Variants in TACC3 observed in about 807,000 individuals in gnomAD.
The protein encoded by TACC3 is transforming acidic coiled-coil-containing protein 3.
A neutral mutation model predicts 86.0 loss-of-function variants in TACC3; 52 were observed. The observed-to-expected ratio is 0.60, with a 90% CI of 0.48 to 0.76. The LOEUF is 0.76. Among genes scored for constraint, TACC3 ranks in the 30% least tolerant of loss-of-function variants. The probability of loss-of-function intolerance (pLI) is 0.00; values close to 1 mark genes in which losing one functional copy is unlikely to be tolerated. For missense variants in TACC3, 1,120 were observed against 1,070.4 expected, an observed-to-expected ratio of 1.05 and a Z score of -0.65; for synonymous variants, 512 against 430.0, an observed-to-expected ratio of 1.19 and a Z score of -2.36.
chr4:1,722,394 G>C (rs905915155), intron 1 of TACC3, among the ~76,000 whole-genome samples: 1 of 152,184 alleles, frequency 6.6e-6, no homozygotes, highest in Non-Finnish European at 1.5e-5. Context: ...AGCGTCGTCC[G>C]TAAGTCCCAT....
chr4:1,722,638 C>G (rs879836992), intron 1 of TACC3, among the ~76,000 whole-genome samples: 7 of 152,232 alleles, frequency 4.6e-5, no homozygotes, highest in Admixed American at 6.5e-5. Flanking sequence ...CCTCCACCAC[C>G]AGGTGCCTGT....
At chr4:1,721,832 A>G (rs1046230156) in intron 1 of TACC3, 189 bp downstream of exon 1, 7 of 152,086 alleles carry the variant, frequency 4.6e-5, no homozygotes, top group Admixed American at 2.6e-4. Context: ...CCGGCCCTAG[A>G]CCGACCGCCG....
At chr4:1,731,563 A>G (rs909142959) in intron 6 of TACC3, among the ~76,000 whole-genome samples, 2 of 152,246 alleles carry the variant, frequency 1.3e-5, no homozygotes, top group African/African-American at 4.8e-5. Flanking sequence ...GAGGTGAACA[A>G]TGCAGTGCGC....
intron 13 of TACC3, among the ~76,000 whole-genome samples, chr4:1,742,332 T>C (rs1235283153): frequency 6.6e-6 from 1 of 152,182 alleles, no homozygotes; most frequent in African/African-American, 2.4e-5. Context: ...TTGCTGACCT[T>C]CCCTCAGGTT....
At chr4:1,737,355 G>A (rs1718326158) in intron 9 of TACC3, 27 bp downstream of exon 9, 4 of 1,596,124 alleles carry the variant, frequency 2.5e-6, no homozygotes, top group South Asian at 2.2e-5. Context: ...CTCTTGAACT[G>A]TCTTGTGTGT....
chr4:1,734,535 T>G (rs1718160903), intron 6 of TACC3, among the ~76,000 whole-genome samples: 1 of 152,168 alleles, frequency 6.6e-6, no homozygotes, highest in Admixed American at 6.5e-5. Context: ...GGAGGATCAC[T>G]TGAAGTCAGG....
chr4:1,721,882 T>G (rs1163947464), intron 1 of TACC3: 1 of 152,174 alleles, frequency 6.6e-6, no homozygotes, highest in Admixed American at 6.5e-5. Context: ...CGGCTAGAGC[T>G]GGGCCAAGAC....
chr4:1,728,527 A>G lies in TACC3; in HGVS notation c.1125A>G (p.Gln375=), dbSNP rs798758. The G allele has an allele frequency of 0.022, 34,985 of 1,614,002 alleles. 630 individuals are homozygous for G. Among genetic ancestry groups the G allele is most frequent in the South Asian group, 0.069 (6,289 of 91,080 alleles). The change falls in exon 4 of 16, where the codon CAA becomes CAG. Residue 375 remains glutamine (Q), a synonymous_variant. Transcript: ENST00000313288. ...TGAGGAAAGCAGCAGTGAGGCAGCAAAAGGCCCCGCAGGAGGTGGAGGAGG... is the reference window on the plus strand; with the variant it reads ...TGAGGAAAGCAGCAGTGAGGCAGCAGAAGGCCCCGCAGGAGGTGGAGGAGG... ...PPLRKAAVRQ[Q]KAPQEVEEDD...
At chr4:1,729,144 C>T (rs896037115) in intron 4 of TACC3, among the ~76,000 whole-genome samples, 1 of 152,168 alleles carries the variant, frequency 6.6e-6, no homozygotes, top group Non-Finnish European at 1.5e-5. Context: ...CAGGCAAAGC[C>T]TGTTACTGCC....
Position 1,735,828 on chromosome 4 carries a change from C to G in TACC3, c.1742C>G (p.Thr581Ser). The change falls in exon 8 of 16, where the codon ACC (threonine) becomes AGC (serine). Residue 581 changes from threonine (T) to serine (S), a missense_variant. Physicochemically the swap from Thr to Ser is moderately conservative, Grantham distance 58. Coordinates refer to ENST00000313288, the MANE Select transcript of TACC3 (RefSeq NM_006342.3). The surrounding 1 kb of genome is among the most constrained non-coding windows in gnomAD (Gnocchi z 4.2). ...PGRPVPVATE[T>S]SSMHGANETP... Reference sequence around the variant, plus strand: ...AGACCAGTGCCCGTGGCCACCGAGACCAGCAGGTATGTGCGCCGGCCCTCC... The same window carrying G: ...AGACCAGTGCCCGTGGCCACCGAGAGCAGCAGGTATGTGCGCCGGCCCTCC... The G allele has an allele frequency of 6.3e-7, 1 of 1,592,100 alleles. No homozygotes were observed.
chr4:1,723,894 T>A, intron 3 of TACC3, 24 bp downstream of exon 3: 1 of 1,611,384 alleles, frequency 6.2e-7, no homozygotes, highest in Non-Finnish European at 8.5e-7. Flanking sequence ...CTGCTGGACA[T>A]GCTGGAGCTT....
Position 1,735,135 on chromosome 4 carries a change from G to T in TACC3, c.1592-138G>T. On this transcript the variant is annotated intron_variant, in intron 6 of 15. Coordinates refer to ENST00000313288, the MANE Select transcript of TACC3 (RefSeq NM_006342.3). This position sits in a 1 kb window ranked among gnomAD's most constrained non-coding sequence, Gnocchi z 4.2. ...CTGCCGCAGACAGCAGTCAGGCCCC[G>T]AACATCCACACCTCCAAGGGAGGAA... The T allele has an allele frequency of 8.1e-7, 1 of 1,236,780 alleles. No homozygotes were observed. The allele number at this position is 1,236,780 out of a possible 1,614,324, so 76.6% of individuals were successfully genotyped here.
chr4:1,731,168 C>G lies in TACC3; in HGVS notation c.1462-4C>G, dbSNP rs1717989772. The G allele has an allele frequency of 1.2e-6, 2 of 1,613,240 alleles. No homozygotes were observed. The highest frequency in any genetic ancestry group is 1.7e-5 in the Admixed American group (1 of 60,024). ...GCACAGGGTGACTCTGCCCTTTCCT[C>G]CAGGAGAGAGCCTTGAACTCTGCCA... On this transcript the variant is annotated splice_polypyrimidine_tract_variant and splice_region_variant and intron_variant, in intron 5 of 15. Coordinates refer to ENST00000313288, the MANE Select transcript of TACC3 (RefSeq NM_006342.3).
intron 13 of TACC3, among the ~76,000 whole-genome samples, chr4:1,743,429 T>A (rs1175120314): frequency 1.3e-5 from 2 of 152,030 alleles, no homozygotes; most frequent in African/African-American, 4.8e-5. Flanking sequence ...GGCACGCACC[T>A]GTAGTCCCAG....
At chr4:1,737,157 C>T (rs1472271297) in intron 8 of TACC3, 84 bp from the exon 9 acceptor site, 52 of 1,161,570 alleles carry the variant, frequency 4.5e-5, no homozygotes, top group Admixed American at 1.1e-4. Context: ...GCAAAGAGCC[C>T]GGTTAGCTTG....
chr4:1,727,563 G>A (rs1040933931), intron 3 of TACC3, 145 bp from the exon 4 acceptor site: 1 of 1,309,810 alleles, frequency 7.6e-7, no homozygotes, highest in Non-Finnish European at 1.0e-6. Context: ...ACTGAGGTGG[G>A]GGGTGGAGAA....
intron 3 of TACC3, among the ~76,000 whole-genome samples, chr4:1,724,554 C>T (rs931820071): frequency 2.0e-5 from 3 of 151,792 alleles, no homozygotes; most frequent in African/African-American, 4.8e-5. Flanking sequence ...CCACCACTCC[C>T]GGCTAATTTT....
intron 4 of TACC3, among the ~76,000 whole-genome samples, chr4:1,729,939 C>A (rs3819377): frequency 6.6e-6 from 1 of 152,110 alleles, no homozygotes; most frequent in African/African-American, 2.4e-5. Flanking sequence ...TGGCCCTGTC[C>A]GGGCGTGACA....
chr4:1,732,363 G>A (rs1330377665), intron 6 of TACC3, among the ~76,000 whole-genome samples: 1 of 146,466 alleles, frequency 6.8e-6, no homozygotes, highest in Admixed American at 6.8e-5. Context: ...GGAGGCTGCA[G>A]TTGAATACGG....
Sources: gnomAD v4.1 joint callset for allele counts (sites outside exome capture counted in the v4.1 genomes callset) on GRCh38, gnomAD v4.1.1 for gene constraint, Gnocchi (gnomAD v3.1) non-coding constraint, MANE v1.5 for transcripts, NCBI Gene and HGNC (gene_info 2026-07-23, HGNC 2026-07-21) for gene names.